GRB2: variants seen among roughly 807,000 people sequenced by gnomAD.
GRB2 encodes the protein growth factor receptor bound protein 2.
A neutral mutation model predicts 27.4 loss-of-function variants in GRB2; 2 were observed. The ratio of observed to expected loss-of-function variants is 0.07; its 90% CI spans 0.03 to 0.23. GRB2 has a LOEUF of 0.23. GRB2 is among the 10% of genes least tolerant of loss of function. GRB2 has a pLI of 1.00. For synonymous variants in GRB2, 94 were observed against 99.6 expected (o/e 0.94, Z 0.33); for missense variants, 102 against 282.4 (o/e 0.36, Z 4.58).
intron 1 of GRB2, among the ~76,000 whole-genome samples, chr17:75,395,959 C>T (rs1266135062): frequency 3.3e-5 from 5 of 151,732 alleles, no homozygotes; most frequent in African/African-American, 9.7e-5. Context: ...CCTCCTACCT[C>T]GGCCTGTAGC....
At chr17:75,386,319 A>T (rs992182195) in intron 2 of GRB2, among the ~76,000 whole-genome samples, 3 of 152,138 alleles carry the variant, frequency 2.0e-5, no homozygotes, top group African/African-American at 7.2e-5. Context: ...GGATTTCACC[A>T]TGTTGGCCGG....
intron 3 of GRB2, among the ~76,000 whole-genome samples, chr17:75,331,471 C>T (rs1455102331): frequency 2.6e-5 from 4 of 152,158 alleles, no homozygotes; most frequent in Non-Finnish European, 5.9e-5. Flanking sequence ...GCCTGTGTCA[C>T]CCGAAACACT....
chr17:75,329,045 C>T (rs905898175), intron 3 of GRB2, among the ~76,000 whole-genome samples: 1 of 152,086 alleles, frequency 6.6e-6, no homozygotes, highest in Non-Finnish European at 1.5e-5. Context: ...CTTCTCATAT[C>T]GGGGGGCCCT....
chr17:75,342,863 G>A (rs2078630264), intron 2 of GRB2, among the ~76,000 whole-genome samples: 1 of 151,800 alleles, frequency 6.6e-6, no homozygotes, highest in Non-Finnish European at 1.5e-5. Context: ...AGCCTAGAGG[G>A]TACAGGGAGA....
At chr17:75,393,812 C>T in intron 1 of GRB2, 47 bp from the exon 2 acceptor site, 1 of 565,512 alleles carries the variant, frequency 1.8e-6, no homozygotes, top group Non-Finnish European at 3.1e-6. Context: ...GGATTGAAGG[C>T]AACCCCGCCC....
At chr17:75,401,820 A>G (rs946784922) in intron 1 of GRB2, among the ~76,000 whole-genome samples, 1 of 152,260 alleles carries the variant, frequency 6.6e-6, no homozygotes, top group Non-Finnish European at 1.5e-5. Context: ...GCTCTCTCCA[A>G]AAGACTGAGC....
chr17:75,359,611 A>G (rs965822245), intron 2 of GRB2, among the ~76,000 whole-genome samples: 2 of 151,928 alleles, frequency 1.3e-5, no homozygotes, highest in Admixed American at 6.6e-5. Context: ...TAACTCCCCA[A>G]TCTCCACCTG....
At chr17:75,375,165 C>T (rs944076944) in intron 2 of GRB2, among the ~76,000 whole-genome samples, 2 of 152,082 alleles carry the variant, frequency 1.3e-5, no homozygotes, top group African/African-American at 2.4e-5. Context: ...GCCTCAGCCT[C>T]CCAAAGTGCT....
At chr17:75,375,565 A>C (rs112758001) in intron 2 of GRB2, among the ~76,000 whole-genome samples, 3 of 152,162 alleles carry the variant, frequency 2.0e-5, no homozygotes, top group African/African-American at 7.2e-5. Flanking sequence ...AAATCATACA[A>C]AGTATGTTCT....
chr17:75,341,961 G>C (rs1464055828), intron 2 of GRB2, among the ~76,000 whole-genome samples: 1 of 152,082 alleles, frequency 6.6e-6, no homozygotes, highest in East Asian at 1.9e-4. Context: ...TCTCTGCTCT[G>C]ATCTCCCATT....
intron 2 of GRB2, among the ~76,000 whole-genome samples, chr17:75,384,329 T>C (rs1472261973): frequency 6.6e-6 from 1 of 152,220 alleles, no homozygotes; most frequent in East Asian, 1.9e-4. Flanking sequence ...GTAAACTAGA[T>C]GCAGAATGTA....
intron 2 of GRB2, among the ~76,000 whole-genome samples, chr17:75,340,733 TTAAA>T (rs2078615163): frequency 2.0e-5 from 3 of 152,250 alleles, no homozygotes; most frequent in Middle Eastern, 6.8e-3. Flanking sequence ...TACTAACACT[TTAAA>T]TAAGTGCTTC....
rs768727425 is a variant in GRB2, at chr17:75,321,733, C to A, written c.394G>T (p.Val132Leu). The change falls in exon 5 of 6, where the codon GTG becomes TTG. Residue 132 changes from valine (V) to leucine (L), a missense_variant. Val to Leu is a conservative substitution (Grantham distance 32). Transcript: ENST00000316804. Reference sequence around the variant, plus strand: ...ACAGATGTAGATCTGTGATAATCCACCAGCTCATTCAAAGAATTGAACTTC... The same window carrying A: ...ACAGATGTAGATCTGTGATAATCCAACAGCTCATTCAAAGAATTGAACTTC... ...VVKFNSLNEL[V>L]DYHRSTSVSR... The A allele has an allele frequency of 1.2e-6, 2 of 1,614,010 alleles. No homozygotes were observed. Among genetic ancestry groups the A allele is most frequent in the Non-Finnish European group, 1.7e-6 (2 of 1,179,938 alleles).
At chr17:75,373,979 T>A (rs2078873990) in intron 2 of GRB2, among the ~76,000 whole-genome samples, 1 of 151,686 alleles carries the variant, frequency 6.6e-6, no homozygotes, top group Non-Finnish European at 1.5e-5. Context: ...GCATTTTTAG[T>A]AGAGACAGGG....
chr17:75,383,647 G>T (rs570435702), intron 2 of GRB2, among the ~76,000 whole-genome samples: 1 of 152,126 alleles, frequency 6.6e-6, no homozygotes, highest in Admixed American at 6.6e-5. Flanking sequence ...TTCGAGACCA[G>T]CCCGGCCAAT....
chr17:75,349,122 T>C (rs1411340268), intron 2 of GRB2, among the ~76,000 whole-genome samples: 1 of 152,224 alleles, frequency 6.6e-6, no homozygotes, highest in Non-Finnish European at 1.5e-5. Context: ...TGAGAGGGTA[T>C]AGTAAGCAAA....
chr17:75,355,986 A>G (rs1212805190), intron 2 of GRB2, among the ~76,000 whole-genome samples: 1 of 151,682 alleles, frequency 6.6e-6, no homozygotes. Context: ...GCACGCTGCC[A>G]TGCCCGGCTA....
At chr17:75,358,410 T>C (rs2078748642) in intron 2 of GRB2, among the ~76,000 whole-genome samples, 2 of 152,134 alleles carry the variant, frequency 1.3e-5, no homozygotes, top group Admixed American at 6.5e-5. Context: ...TAAATTCCAA[T>C]TTAAGTTGCA....
intron 4 of GRB2, among the ~76,000 whole-genome samples, chr17:75,322,820 G>A (rs887929186): frequency 2.3e-5 from 2 of 88,026 alleles, no homozygotes; most frequent in African/African-American, 5.1e-5. Context: ...CACCTGGCCG[G>A]GCACTCTCGG....
Sources: gnomAD v4.1 joint callset for allele counts (sites outside exome capture counted in the v4.1 genomes callset) on GRCh38, gnomAD v4.1.1 for gene constraint, MANE v1.5 for transcripts, NCBI Gene and HGNC (gene_info 2026-07-23, HGNC 2026-07-21) for gene names.